DSCC1: variants seen among roughly 807,000 people sequenced by gnomAD.
DSCC1 encodes DNA replication and sister chromatid cohesion 1, also known as sister chromatid cohesion protein DCC1.
A neutral mutation model predicts 48.2 loss-of-function variants in DSCC1; 32 were observed. The observed-to-expected ratio is 0.66, with a 90% CI of 0.50 to 0.89. The LOEUF is 0.89. Ranked by LOEUF, DSCC1 falls within the 40% of genes least tolerant of loss-of-function variation. The probability of loss-of-function intolerance (pLI) is 0.00; values close to 1 mark genes in which losing one functional copy is unlikely to be tolerated. For missense variants in DSCC1, 421 were observed against 471.7 expected (o/e 0.89, Z 1.00); for synonymous variants, 150 against 171.5 (o/e 0.87, Z 0.98).
chr8:119,850,534 C>G lies in DSCC1; in HGVS notation c.352-18G>C. 6.5e-7 allele frequency: 1 copy of G among 1,545,420 alleles called. No individual in the cohort carries two copies. Among genetic ancestry groups the G allele is most frequent in the South Asian group, 1.3e-5 (1 of 79,728 alleles). ...CCAAAGATCTAGAAATTATATATAT[C>G]GTAACCTTTTAGGGGCCATTCTAAA... On this transcript the variant is annotated intron_variant, in intron 2 of 8. Transcript: ENST00000313655.
At chr8:119,855,534 G>C in intron 1 of DSCC1, 80 bp downstream of exon 1, 1 of 1,482,508 alleles carries the variant, frequency 6.7e-7, no homozygotes, top group Non-Finnish European at 8.9e-7. Context: ...CTCTGGCCCT[G>C]TTTTCTTATC....
Position 119,855,869 on chromosome 8 carries a change from G to A in DSCC1, c.-74C>T, listed in dbSNP as rs1211343956. ...TGGCGGGCAAGAAAGAAGTTCCCAA[G>A]CAGCCGGAAGGTAGGAAACCTGAGC... On this transcript the variant is annotated 5_prime_UTR_variant, in exon 1 of 9. Transcript: ENST00000313655. 2 of 1,395,260 alleles carry A rather than the reference G, an allele frequency of 1.4e-6. No homozygotes were observed. Among genetic ancestry groups the A allele is most frequent in the Non-Finnish European group, 1.9e-6 (2 of 1,073,120 alleles). 86.4% of individuals were successfully genotyped at this position (1,395,260 alleles called of 1,614,324 possible). A position where few individuals can be genotyped will look rare whatever the true frequency, so the allele number is the denominator to read the frequency against.
At chr8:119,842,374 CTTTT>C (rs60349433) in intron 6 of DSCC1, among the ~76,000 whole-genome samples, 1 of 133,306 alleles carries the variant, frequency 7.5e-6, no homozygotes, top group Non-Finnish European at 1.6e-5. Context: ...CTGCACTGGC[CTTTT>C]TTTTTTTTTT....
At chr8:119,845,871 C>G (rs1280906241) in intron 4 of DSCC1, among the ~76,000 whole-genome samples, 1 of 152,032 alleles carries the variant, frequency 6.6e-6, no homozygotes, top group Non-Finnish European at 1.5e-5. Context: ...ATCACTTGAA[C>G]CCACGAGACG....
intron 6 of DSCC1, 144 bp downstream of exon 6, chr8:119,842,632 C>A: frequency 1.5e-6 from 1 of 653,454 alleles, no homozygotes; most frequent in Non-Finnish European, 2.7e-6. Context: ...GCGACCCACC[C>A]ACTGCAGCCT....
At chr8:119,853,695 AAAGGCC>A (rs77647593) in intron 1 of DSCC1, among the ~76,000 whole-genome samples, 29,290 of 151,986 alleles carry the variant, frequency 0.19, 3,221 homozygotes, top group Middle Eastern at 0.31. Flanking sequence ...GTTCCCGAAG[AAAGGCC>A]AAGGCCAAGC....
At chr8:119,836,387 T>A (rs1314139036) in intron 8 of DSCC1, among the ~76,000 whole-genome samples, 1 of 152,170 alleles carries the variant, frequency 6.6e-6, no homozygotes, top group East Asian at 1.9e-4. Flanking sequence ...CATTATATTG[T>A]CATTTTTGAA....
chr8:119,848,421 T>G (rs1046933055), intron 3 of DSCC1, among the ~76,000 whole-genome samples: 1 of 152,162 alleles, frequency 6.6e-6, no homozygotes, highest in Admixed American at 6.5e-5. Flanking sequence ...TACAACTCAG[T>G]AATAAAAAGA....
chr8:119,849,728 C>A (rs1420636497), intron 3 of DSCC1, among the ~76,000 whole-genome samples: 1 of 152,114 alleles, frequency 6.6e-6, no homozygotes, highest in Non-Finnish European at 1.5e-5. Flanking sequence ...CAATTGCATA[C>A]TTTAAAACTG....
intron 1 of DSCC1, among the ~76,000 whole-genome samples, chr8:119,853,467 A>G (rs1826971103): frequency 7.2e-6 from 1 of 138,742 alleles, no homozygotes; most frequent in Admixed American, 6.9e-5. Flanking sequence ...CATAGAGGCC[A>G]AGAGGCCAAA....
At chr8:119,846,354 G>A (rs944052900) in intron 4 of DSCC1, among the ~76,000 whole-genome samples, 1 of 151,876 alleles carries the variant, frequency 6.6e-6, no homozygotes, top group African/African-American at 2.4e-5. Context: ...CGTCGTGATC[G>A]GCCAGCCTCG....
intron 1 of DSCC1, among the ~76,000 whole-genome samples, chr8:119,854,699 G>A (rs1826990735): frequency 6.6e-6 from 1 of 152,098 alleles, no homozygotes; most frequent in Non-Finnish European, 1.5e-5. Flanking sequence ...ACTGGACCGA[G>A]AGAAAGTCCT....
In DSCC1 at chr8:119,852,524, T is replaced by G. The variant is rs185651111; in HGVS notation, c.351+523A>C. On this transcript the variant is annotated intron_variant, in intron 2 of 8. Coordinates refer to ENST00000313655, the MANE Select transcript of DSCC1 (RefSeq NM_024094.3). The stretch of plus-strand genomic sequence containing the variant: ...GCACGCCACCACGCTTGGCTAATTT[T>G]TTTGCATTTTAGTAGAGACAGGGTT... Among the ~76,000 whole-genome samples, 184 of 152,220 alleles carry G rather than the reference T, an allele frequency of 1.2e-3. 1 individual carries two copies. The highest frequency in any genetic ancestry group is 9.9e-3 in the Admixed American group (151 of 15,284).
intron 4 of DSCC1, among the ~76,000 whole-genome samples, chr8:119,844,582 CTTTT>C (rs796462086): frequency 6.9e-6 from 1 of 143,978 alleles, no homozygotes; most frequent in Non-Finnish European, 1.5e-5. Flanking sequence ...CAAGTGCTTT[CTTTT>C]TTTTTTTTTC....
At chr8:119,837,757 C>A (rs1249902528) in intron 8 of DSCC1, among the ~76,000 whole-genome samples, 1 of 152,152 alleles carries the variant, frequency 6.6e-6, no homozygotes, top group African/African-American at 2.4e-5. Context: ...AGGCCAGCCA[C>A]AGGATTCGAG....
At chr8:119,851,454 C>T (rs1586583693) in intron 2 of DSCC1, among the ~76,000 whole-genome samples, 1 of 152,182 alleles carries the variant, frequency 6.6e-6, no homozygotes, top group African/African-American at 2.4e-5. Context: ...AAAAAAATGG[C>T]AGCCTTCTGG....
intron 4 of DSCC1, 56 bp downstream of exon 4, chr8:119,846,934 C>A (rs1826865314): frequency 9.9e-6 from 15 of 1,511,620 alleles, no homozygotes; most frequent in East Asian, 4.5e-5. Flanking sequence ...CCAAAAACTT[C>A]TCTCCCTTAT....
rs1237322320 is a variant in DSCC1, at chr8:119,847,064, AAATCT to A, written c.498_502del (p.Glu166AspfsTer3). 6.2e-7 allele frequency: 1 copy of A among 1,613,220 alleles called. No individual in the cohort carries two copies. The highest frequency in any genetic ancestry group is 8.5e-7 in the Non-Finnish European group (1 of 1,180,012). On this transcript the variant is annotated frameshift_variant, in exon 4 of 9. Transcript: ENST00000313655. LOFTEE classifies it high-confidence loss of function. Reference sequence around the variant, plus strand: ...CTCACTTGCCTGAATTTGATCAAGCAAATCTTCAGTTGTATACTGCAAAAAGAAAA... The same window carrying A: ...CTCACTTGCCTGAATTTGATCAAGCATCAGTTGTATACTGCAAAAAGAAAA...
chr8:119,849,039 G>A (rs1215563985), intron 3 of DSCC1, among the ~76,000 whole-genome samples: 1 of 152,080 alleles, frequency 6.6e-6, no homozygotes, highest in East Asian at 1.9e-4. Context: ...TAAAAAATTA[G>A]CTGGGCGCGG....
Sources: allele counts gnomAD v4.1 joint callset (sites outside exome capture counted in the v4.1 genomes callset), GRCh38; gene constraint gnomAD v4.1.1; transcripts MANE v1.5; gene names NCBI Gene and HGNC (gene_info 2026-07-23, HGNC 2026-07-21).